C10orf90: variants seen among roughly 807,000 people sequenced by gnomAD.
C10orf90 encodes the protein chromosome 10 open reading frame 90, also known as (E2-independent) E3 ubiquitin-conjugating enzyme FATS.
C10orf90 carries 56 observed loss-of-function variants against 62.5 expected under a neutral mutation model. The ratio of observed to expected loss-of-function variants is 0.90; its 90% CI spans 0.72 to 1.12. The LOEUF is 1.12. Among genes scored for constraint, C10orf90 ranks in the 50% most tolerant of loss-of-function variants. The pLI is 0.00. For missense variants in C10orf90, 970 were observed against 880.4 expected (o/e 1.10, Z -1.29); for synonymous variants, 386 against 340.4 (o/e 1.13, Z -1.47).
chr10:126,505,181 G>T, intron 3 of C10orf90, 96 bp from the exon 4 acceptor site: 3 of 1,289,184 alleles, frequency 2.3e-6, no homozygotes, highest in Non-Finnish European at 3.2e-6. Flanking sequence ...AGAGCACTGG[G>T]TTCATAACAC....
chr10:126,458,767 C>CTGCTACAG (rs1473170246), intron 7 of C10orf90, among the ~76,000 whole-genome samples: 1 of 152,212 alleles, frequency 6.6e-6, no homozygotes, highest in African/African-American at 2.4e-5. Context: ...GCTACCCTGG[C>CTGCTACAG]TGCTACAGTG....
chr10:126,603,443 A>C (rs1024750004), intron 2 of C10orf90, among the ~76,000 whole-genome samples: 3 of 152,058 alleles, frequency 2.0e-5, no homozygotes, highest in African/African-American at 7.2e-5. Flanking sequence ...CTCCCATAAC[A>C]TGTGGGGATT....
At position 126,461,451 on chromosome 10, in the gene C10orf90, C is replaced by T. The variant is rs765177499; in HGVS notation, c.1960G>A (p.Glu654Lys). 2.6e-5 allele frequency: 42 copies of T among 1,614,056 alleles called. No individual in the cohort carries two copies. The highest frequency in any genetic ancestry group is 2.5e-4 in the African/African-American group (19 of 74,926). ...GTTTGCTGAGACTCAGAACAGTCTT[C>T]GGACAGGCCAGGGCTCCCTGCTCCA... ...RDGAGSPGLS[E>K]DCSESQQTPA... The change falls in exon 6 of 10, where the codon GAA becomes AAA. Residue 654 changes from glutamate to lysine, a missense_variant. Coordinates refer to ENST00000488181, the MANE Select transcript of C10orf90 (RefSeq NM_001350921.2).
intron 2 of C10orf90, among the ~76,000 whole-genome samples, chr10:126,613,628 G>T (rs1290457083): frequency 6.6e-6 from 1 of 152,204 alleles, no homozygotes; most frequent in Admixed American, 6.5e-5. Flanking sequence ...AAACTGAAAA[G>T]CCAAGTCCTC....
intron 2 of C10orf90, among the ~76,000 whole-genome samples, chr10:126,587,601 T>C (rs928587901): frequency 2.0e-5 from 3 of 152,204 alleles, no homozygotes; most frequent in African/African-American, 7.2e-5. Context: ...TGCCATCACA[T>C]TGAGGGTTAC....
chr10:126,655,834 C>CAAAAAAAAAAAAAAAAAA (rs1195360598), intron 1 of C10orf90, among the ~76,000 whole-genome samples: 2 of 126,510 alleles, frequency 1.6e-5, no homozygotes, highest in African/African-American at 2.7e-5. Flanking sequence ...CAAAACAAAA[C>CAAAAAAAAAAAAAAAAAA]AAAACAAAAA....
Position 126,521,532 on chromosome 10 carries a change from G to A in C10orf90, c.314-7593C>T, listed in dbSNP as rs1008728511. On this transcript the variant is annotated intron_variant, in intron 2 of 9. Transcript: ENST00000488181. ...CGGAATGTTTACAGGGCAACCAGGG[G>A]AGGTGGCATACAAGCCCACCTTGTG... is the stretch of plus-strand genomic sequence containing the variant. 3 of 1,254,502 alleles carry A rather than the reference G, an allele frequency of 2.4e-6. No individual in the cohort carries two copies. The African/African-American group carries it at 4.5e-5, about 19-fold the overall frequency. The allele number at this position is 1,254,502 out of a possible 1,614,324, so 77.7% of individuals were successfully genotyped here.
chr10:126,489,364 C>T (rs181709603), intron 4 of C10orf90, among the ~76,000 whole-genome samples: 198 of 152,070 alleles, frequency 1.3e-3, no homozygotes, highest in African/African-American at 4.5e-3. Context: ...GAAACAACAA[C>T]GATTAAAAAC....
intron 2 of C10orf90, among the ~76,000 whole-genome samples, chr10:126,583,698 C>T (rs889458214): frequency 1.3e-5 from 2 of 152,202 alleles, no homozygotes; most frequent in Non-Finnish European, 2.9e-5. Context: ...AGTCTCTCTG[C>T]TTAGCTCTCC....
chr10:126,505,660 A>C, intron 3 of C10orf90, among the ~76,000 whole-genome samples: 1 of 152,154 alleles, frequency 6.6e-6, no homozygotes, highest in East Asian at 1.9e-4. Context: ...AAAACAATAG[A>C]AATCAAATGC....
At chr10:126,564,272 C>T (rs980980665) in intron 2 of C10orf90, among the ~76,000 whole-genome samples, 1 of 151,970 alleles carries the variant, frequency 6.6e-6, no homozygotes, top group Non-Finnish European at 1.5e-5. Context: ...TCCAGATGAA[C>T]ATCAAGAATG....
At position 126,425,845 on chromosome 10, in the gene C10orf90, T is replaced by C. The variant is rs372580861; in HGVS notation, c.*19A>G. 1 of 1,612,974 alleles carries C rather than the reference T, an allele frequency of 6.2e-7. No individual in the cohort carries two copies. The highest frequency in any genetic ancestry group is 1.3e-5 in the African/African-American group (1 of 74,990). On this transcript the variant is annotated 3_prime_UTR_variant, in exon 10 of 10. Coordinates refer to ENST00000488181, the MANE Select transcript of C10orf90 (RefSeq NM_001350921.2). Reference sequence around the variant, plus strand: ...GTCCTCCCAGGTCCAGGTAGTGTGGTCAGCAGGGCAGCCTGTGGTTAGACC... The same window carrying C: ...GTCCTCCCAGGTCCAGGTAGTGTGGCCAGCAGGGCAGCCTGTGGTTAGACC...
intron 4 of C10orf90, among the ~76,000 whole-genome samples, chr10:126,484,278 C>T (rs1232281520): frequency 6.6e-6 from 1 of 152,136 alleles, no homozygotes; most frequent in Middle Eastern, 3.4e-3. Context: ...TCTCTAAAAA[C>T]AAAATAAAAG....
At chr10:126,555,634 G>A (rs374636808) in intron 2 of C10orf90, among the ~76,000 whole-genome samples, 7 of 151,518 alleles carry the variant, frequency 4.6e-5, no homozygotes, top group East Asian at 1.9e-4. Flanking sequence ...AGCTGAGATC[G>A]CACCACTGCA....
At chr10:126,549,602 T>C (rs1482081349) in intron 2 of C10orf90, among the ~76,000 whole-genome samples, 1 of 152,210 alleles carries the variant, frequency 6.6e-6, no homozygotes, top group African/African-American at 2.4e-5. Flanking sequence ...GAAAATAATT[T>C]GGCAATTCCT....
chr10:126,446,940 A>T (rs922024714), intron 7 of C10orf90, among the ~76,000 whole-genome samples: 1 of 152,188 alleles, frequency 6.6e-6, no homozygotes, highest in Admixed American at 6.5e-5. Context: ...TTAAGTTGTT[A>T]TCAGCTTAAA....
intron 2 of C10orf90, among the ~76,000 whole-genome samples, chr10:126,638,058 C>T (rs1446088164): frequency 6.6e-6 from 1 of 152,160 alleles, no homozygotes; most frequent in South Asian, 2.1e-4. Context: ...AGGTTTCCAG[C>T]GTGGCTGACA....
At position 126,565,418 on chromosome 10, in the gene C10orf90, A is replaced by T. The variant is rs1034529100; in HGVS notation, c.314-51479T>A. 3.3e-4 allele frequency among the ~76,000 whole-genome samples: 5 copies of T among 14,944 alleles called. No individual in the cohort carries two copies. In the East Asian group the frequency reaches 4.9e-3, roughly 15 times the overall value. 9.8% of individuals were successfully genotyped at this position (14,944 alleles called of 152,430 possible). On this transcript the variant is annotated intron_variant, in intron 2 of 9. Coordinates refer to ENST00000488181, the MANE Select transcript of C10orf90 (RefSeq NM_001350921.2). The stretch of plus-strand genomic sequence containing the variant: ...TATTATATTATATATAATATATATT[A>T]TATATATTATATATATTATACACAC...
At chr10:126,566,003 A>G (rs537684682) in intron 2 of C10orf90, among the ~76,000 whole-genome samples, 4 of 152,162 alleles carry the variant, frequency 2.6e-5, no homozygotes, top group Non-Finnish European at 4.4e-5. Context: ...AGCTCTGGCT[A>G]TTTTCAGACT....
Sources: gnomAD v4.1 joint callset for allele counts (sites outside exome capture counted in the v4.1 genomes callset) on GRCh38, gnomAD v4.1.1 for gene constraint, MANE v1.5 for transcripts, NCBI Gene and HGNC (gene_info 2026-07-23, HGNC 2026-07-21) for gene names.